Variants in INPP5E observed in about 807,000 individuals in gnomAD.
INPP5E encodes inositol polyphosphate-5-phosphatase E, also known as phosphatidylinositol polyphosphate 5-phosphatase type IV.
Under a neutral mutation model 50.5 loss-of-function variants are expected in INPP5E, and 34 were observed. The observed-to-expected ratio is 0.67, with a 90% confidence interval of 0.51 to 0.90. The LOEUF (loss-of-function observed/expected upper bound fraction) is 0.90. INPP5E is among the 40% of genes least tolerant of loss of function. The pLI is 0.00. For missense variants in INPP5E, 942 were observed against 905.5 expected (o/e 1.04, Z -0.52); for synonymous variants, 447 against 406.0 (o/e 1.10, Z -1.21).
In INPP5E at chr9:136,431,041, C is replaced by A; in HGVS notation, c.1626G>T (p.Thr542=). ...PSYKFDIGKD[T]YDSTSKQRTP... The stretch of plus-strand genomic sequence containing the variant: ...TCCTCTGCTTGGAGGTGCTGTCGTA[C>A]GTGTCCTTCCCGATGTCAAACTTGT... The change falls in exon 8 of 10, where the codon ACG becomes ACT. Residue 542 remains threonine, a synonymous_variant. Coordinates refer to ENST00000371712, the MANE Select transcript of INPP5E (RefSeq NM_019892.6). The A allele has an allele frequency of 1.2e-6, 2 of 1,613,224 alleles. No homozygotes were observed. Among genetic ancestry groups the A allele is most frequent in the Non-Finnish European group, 1.7e-6 (2 of 1,179,634 alleles).
At chr9:136,435,814 C>A (rs77001554) in intron 1 of INPP5E, 6 of 152,170 alleles carry the variant, frequency 3.9e-5, no homozygotes, top group African/African-American at 1.4e-4. Context: ...GTGCCCGAGA[C>A]GCTTGATTTA....
At chr9:136,435,592 G>A (rs1456044125) in intron 1 of INPP5E, 1 of 152,490 alleles carries the variant, frequency 6.6e-6, no homozygotes, top group Non-Finnish European at 1.5e-5. Context: ...ATTTTAATAC[G>A]GCGGTGCACA....
At chr9:136,438,445 T>C (rs761825462) in intron 1 of INPP5E, 163 bp downstream of exon 1, 27 of 680,276 alleles carry the variant, frequency 4.0e-5, no homozygotes, top group South Asian at 8.4e-5. Context: ...AGGGCGCTGC[T>C]GTGGGGTGGG....
At position 136,431,812 on chromosome 9, in the gene INPP5E, C is replaced by T. The variant is rs764753548; in HGVS notation, c.1549+12G>A. On this transcript the variant is annotated intron_variant, in intron 7 of 9. Transcript: ENST00000371712. Reference sequence around the variant, plus strand: ...CTCATCTCCCTCCATGCCCGCCCCCCCAGGCCCTCACCTTTCCGCATCTCC... The same window carrying T: ...CTCATCTCCCTCCATGCCCGCCCCCTCAGGCCCTCACCTTTCCGCATCTCC... The T allele has an allele frequency of 6.3e-7, 1 of 1,585,252 alleles. No individual in the cohort carries two copies. The highest frequency in any genetic ancestry group is 8.5e-7 in the Non-Finnish European group (1 of 1,169,880).
chr9:136,432,651 G>T, intron 5 of INPP5E, 65 bp from the exon 6 acceptor site: 2 of 1,127,228 alleles, frequency 1.8e-6, no homozygotes, highest in Non-Finnish European at 2.6e-6. Context: ...CTAAAGCGCC[G>T]CACCTCTGGA....
chr9:136,435,950 C>T (rs996943575), intron 1 of INPP5E: 3 of 152,258 alleles, frequency 2.0e-5, no homozygotes, highest in Admixed American at 6.5e-5. Context: ...ACAGAAACGC[C>T]GTGGGCTAGG....
chr9:136,432,641 C>A, intron 5 of INPP5E, 55 bp from the exon 6 acceptor site: 1 of 1,212,678 alleles, frequency 8.2e-7, no homozygotes, highest in South Asian at 1.3e-5. Context: ...TCGAGTCTCC[C>A]TAAAGCGCCG....
intron 1 of INPP5E, chr9:136,435,673 G>C (rs1835813494): frequency 6.6e-6 from 1 of 152,200 alleles, no homozygotes; most frequent in Non-Finnish European, 1.5e-5. Flanking sequence ...TCTGCCACGA[G>C]GGCTGGTAAC....
intron 8 of INPP5E, 98 bp downstream of exon 8, chr9:136,430,904 C>A (rs1471598747): frequency 5.8e-6 from 5 of 862,710 alleles, no homozygotes; most frequent in Non-Finnish European, 9.6e-6. Flanking sequence ...AAGTCCAGGC[C>A]GTCCAGGCTC....
At chr9:136,433,934 G>A in intron 3 of INPP5E, 103 bp downstream of exon 3, 1 of 908,372 alleles carries the variant, frequency 1.1e-6, no homozygotes. Flanking sequence ...CCCCGGGCAG[G>A]CACTGCAGAC....
In INPP5E at chr9:136,431,003, G is replaced by A. The variant is rs761578787; in HGVS notation, c.1664C>T (p.Thr555Met). ...ACCGCAGCGGTGGGCAGGCCTCACC[G>A]TGTATGAGGGCGTCCTCTGCTTGGA... is the stretch of plus-strand genomic sequence containing the variant. ...STSKQRTPSYTDRVLYRSRHK... is the reference protein window; with the variant it reads ...STSKQRTPSYMDRVLYRSRHK... Residue 555 changes from threonine to methionine, a missense_variant and splice_region_variant, in exon 8 of 10, where the codon ACG becomes ATG. Physicochemically the swap from Thr to Met is moderately conservative, Grantham distance 81 (BLOSUM62 -1). Coordinates refer to ENST00000371712, the MANE Select transcript of INPP5E (RefSeq NM_019892.6). 1 of 1,598,394 alleles carries A rather than the reference G, an allele frequency of 6.3e-7. No homozygotes were observed. Among genetic ancestry groups the A allele is most frequent in the Non-Finnish European group, 8.6e-7 (1 of 1,166,264 alleles).
Position 136,429,576 on chromosome 9 carries a change from T to C in INPP5E, c.*99A>G. Reference sequence around the variant, plus strand: ...ACAGAGGCACGGTCGCCACAGTCCCTCGGATCCCCGAAAGGCGGCAAACTC... The same window carrying C: ...ACAGAGGCACGGTCGCCACAGTCCCCCGGATCCCCGAAAGGCGGCAAACTC... On this transcript the variant is annotated 3_prime_UTR_variant, in exon 10 of 10. Coordinates refer to ENST00000371712, the MANE Select transcript of INPP5E (RefSeq NM_019892.6). 1 of 1,513,624 alleles carries C rather than the reference T, an allele frequency of 6.6e-7. No homozygotes were observed. The highest frequency in any genetic ancestry group is 9.1e-7 in the Non-Finnish European group (1 of 1,101,390). The allele number at this position is 1,513,624 out of a possible 1,614,324, so 93.8% of individuals were successfully genotyped here.
intron 5 of INPP5E, among the ~76,000 whole-genome samples, 161 bp downstream of exon 5, chr9:136,432,795 C>T (rs934459473): frequency 2.7e-4 from 41 of 152,306 alleles, no homozygotes; most frequent in African/African-American, 7.2e-4. Flanking sequence ...CGGGGTCTGC[C>T]GGGGGTCCTT....
At chr9:136,438,540 G>A (rs1181693948) in intron 1 of INPP5E, 68 bp downstream of exon 1, 4 of 1,345,200 alleles carry the variant, frequency 3.0e-6, no homozygotes, top group African/African-American at 2.9e-5. Flanking sequence ...ACGGTCTCAC[G>A]AGGTTCCAGC....
intron 1 of INPP5E, chr9:136,435,939 TACAG>T (rs1835819407): frequency 6.6e-6 from 1 of 152,242 alleles, no homozygotes; most frequent in Non-Finnish European, 1.5e-5. Flanking sequence ...TCGCCGACTA[TACAG>T]AAACGCCGTG....
At chr9:136,432,841 G>A (rs1447744809) in intron 5 of INPP5E, 115 bp downstream of exon 5, 11 of 1,376,710 alleles carry the variant, frequency 8.0e-6, no homozygotes, top group South Asian at 2.5e-5. Context: ...CCCACCCCAC[G>A]GCCCTGGGTG....
intron 1 of INPP5E, among the ~76,000 whole-genome samples, chr9:136,435,207 C>T (rs924629473): frequency 2.6e-5 from 4 of 152,144 alleles, no homozygotes; most frequent in African/African-American, 4.8e-5. Context: ...GGGTGCTGTT[C>T]GGGGAGGGGC....
rs919658860 is a variant in INPP5E at position 136,429,043 on chromosome 9, T to C, written c.*632A>G. The C allele has an allele frequency of 1.8e-5, 3 of 166,216 alleles. No homozygotes were observed. Among genetic ancestry groups the C allele is most frequent in the Non-Finnish European group, 4.0e-5 (3 of 75,288 alleles). 10.3% of individuals were successfully genotyped at this position (166,216 alleles called of 1,614,324 possible). ...TCTTACTCAGCTGGGGAGGCCCTTA[T>C]ACTGGGGTGCAGGCCTCCTCGCCCC... On this transcript the variant is annotated 3_prime_UTR_variant, in exon 10 of 10. Transcript: ENST00000371712.
intron 5 of INPP5E, 108 bp downstream of exon 5, chr9:136,432,848 G>A: frequency 7.0e-6 from 10 of 1,420,320 alleles, no homozygotes; most frequent in South Asian, 1.2e-5. Flanking sequence ...CACGGCCCTG[G>A]GTGGAAGATG....
Sources: allele counts gnomAD v4.1 joint callset (sites outside exome capture counted in the v4.1 genomes callset), GRCh38; gene constraint gnomAD v4.1.1; transcripts MANE v1.5; gene names NCBI Gene and HGNC (gene_info 2026-07-23, HGNC 2026-07-21).